Variants in STPG4 observed in about 807,000 individuals in gnomAD.
STPG4 encodes the protein sperm-tail PG-rich repeat containing 4.
A neutral mutation model predicts 31.5 loss-of-function variants in STPG4; 41 were observed. That is an observed-to-expected ratio of 1.30 (90% CI 1.01 to 1.69). The LOEUF (loss-of-function observed/expected upper bound fraction) is 1.69, where lower values mean the gene tolerates loss of function less well. Among genes scored for constraint, STPG4 ranks in the 40% most tolerant of loss-of-function variants. The probability of loss-of-function intolerance (pLI) is 0.00; values close to 1 mark genes in which losing one functional copy is unlikely to be tolerated. For missense variants in STPG4, 375 were observed against 293.4 expected (o/e 1.28, Z -2.03); for synonymous variants, 141 against 103.0 (o/e 1.37, Z -2.24).
chr2:47,143,124 C>A (rs1686750601), intron 3 of STPG4, among the ~76,000 whole-genome samples: 1 of 152,104 alleles, frequency 6.6e-6, no homozygotes, highest in Non-Finnish European at 1.5e-5. Context: ...CCGCACCCGG[C>A]CAACCTCAAC....
At chr2:47,106,999 G>A (rs1175676306) in intron 5 of STPG4, among the ~76,000 whole-genome samples, 1 of 151,950 alleles carries the variant, frequency 6.6e-6, no homozygotes, top group African/African-American at 2.4e-5. Flanking sequence ...CACTACAACT[G>A]CAGGGCCCCT....
At chr2:47,147,798 G>T (rs1206557827) in intron 3 of STPG4, among the ~76,000 whole-genome samples, 2 of 152,090 alleles carry the variant, frequency 1.3e-5, no homozygotes, top group Non-Finnish European at 2.9e-5. Context: ...TCCCGTTTGT[G>T]TACATATATT....
chr2:47,151,236 C>G (rs1165572134), intron 3 of STPG4, 22 bp downstream of exon 3: 1 of 1,612,262 alleles, frequency 6.2e-7, no homozygotes, highest in East Asian at 2.2e-5. Context: ...CCACACAAAG[C>G]AATCTGCCAG....
rs915869845 is a variant in STPG4, at chr2:47,129,827, C to T, written c.519+114G>A. Reference sequence around the variant, plus strand: ...AATTGTGTGGATAATGGTGTTCCTGCTAGGGGGAACGATCACTGGAGGGTT... The same window carrying T: ...AATTGTGTGGATAATGGTGTTCCTGTTAGGGGGAACGATCACTGGAGGGTT... On this transcript the variant is annotated intron_variant, in intron 5 of 6. Coordinates refer to ENST00000445927, the MANE Select transcript of STPG4 (RefSeq NM_001163561.2). 39 of 1,325,610 alleles carry T rather than the reference C, an allele frequency of 2.9e-5. No individual in the cohort carries two copies. The East Asian group carries it at 8.9e-4, about 30-fold the overall frequency. The allele number at this position is 1,325,610 out of a possible 1,614,324, so 82.1% of individuals were successfully genotyped here. A position where few individuals can be genotyped will look rare whatever the true frequency, so the allele number is the denominator to read the frequency against.
At chr2:47,110,180 T>A (rs1355606911) in intron 5 of STPG4, among the ~76,000 whole-genome samples, 1 of 152,250 alleles carries the variant, frequency 6.6e-6, no homozygotes, top group Non-Finnish European at 1.5e-5. Context: ...ATCATACGAA[T>A]GACTGAGTCC....
At chr2:47,135,221 T>C (rs556180736) in intron 3 of STPG4, among the ~76,000 whole-genome samples, 1 of 152,322 alleles carries the variant, frequency 6.6e-6, no homozygotes, top group Non-Finnish European at 1.5e-5. Flanking sequence ...AATTATTTCT[T>C]TCATGGATCA....
chr2:47,117,122 G>A (rs1320241829), intron 5 of STPG4, among the ~76,000 whole-genome samples: 1 of 152,164 alleles, frequency 6.6e-6, no homozygotes, highest in Non-Finnish European at 1.5e-5. Context: ...CTCTACCTAG[G>A]GTCGGGCACT....
At chr2:47,134,686 T>C (rs1339888477) in intron 3 of STPG4, among the ~76,000 whole-genome samples, 3 of 152,138 alleles carry the variant, frequency 2.0e-5, no homozygotes, top group East Asian at 3.8e-4. Context: ...GGCTTTTGGG[T>C]GGGTGTAAGC....
rs1186716207 is a variant in STPG4, at chr2:47,087,052, C to G, written c.703G>C (p.Glu235Gln). ...QSPTIAKMGQ[E>Q]HSLFFNNNNW... ...TTGTTGTTGAAGAAAAGGCTATGCT[C>G]TTGGCCCATTTTGGCTATGGTCGGA... Residue 235 changes from glutamate (E) to glutamine (Q), a missense_variant, in exon 7 of 7, where the codon GAG becomes CAG. Glu to Gln is a conservative substitution (Grantham distance 29). Transcript: ENST00000445927. 15 of 1,551,640 alleles carry G rather than the reference C, an allele frequency of 9.7e-6. No individual in the cohort carries two copies. Among genetic ancestry groups the G allele is most frequent in the Non-Finnish European group, 1.3e-5 (15 of 1,147,010 alleles).
At chr2:47,123,777 A>T (rs1686316855) in intron 5 of STPG4, among the ~76,000 whole-genome samples, 2 of 152,144 alleles carry the variant, frequency 1.3e-5, no homozygotes, top group Non-Finnish European at 2.9e-5. Context: ...ACTATAGCAA[A>T]AGGATTCATA....
chr2:47,090,528 G>C (rs764018884), intron 5 of STPG4, among the ~76,000 whole-genome samples, 154 bp from the exon 6 acceptor site: 21 of 152,154 alleles, frequency 1.4e-4, no homozygotes, highest in Non-Finnish European at 2.2e-4. Context: ...GTGTGAGCTG[G>C]GACAAGTCAT....
intron 5 of STPG4, among the ~76,000 whole-genome samples, chr2:47,094,150 G>C (rs1458609719): frequency 6.6e-6 from 1 of 152,278 alleles, no homozygotes; most frequent in Non-Finnish European, 1.5e-5. Context: ...GTGTGCAGAG[G>C]GAGGCCTCGG....
rs550048494 is a variant in STPG4 at position 47,101,623 on chromosome 2, C to T, written c.520-11249G>A. 7.8e-4 allele frequency among the ~76,000 whole-genome samples: 119 copies of T among 151,848 alleles called. 1 individual carries two copies. The highest frequency in any genetic ancestry group is 6.8e-3 in the Middle Eastern group (2 of 294). ...AGGACTCTGTTACCTTCTTTAGGCA[C>T]CCGGGTTCACCAATCAGAAAGACAT... On this transcript the variant is annotated intron_variant, in intron 5 of 6. Transcript: ENST00000445927.
chr2:47,095,804 A>G (rs1037863233), intron 5 of STPG4, among the ~76,000 whole-genome samples: 5 of 152,304 alleles, frequency 3.3e-5, no homozygotes, highest in African/African-American at 9.6e-5. Flanking sequence ...GTGTGGCTGC[A>G]GGACTAATCC....
chr2:47,100,872 G>C lies in STPG4; in HGVS notation c.520-10498C>G, dbSNP rs577632967. On this transcript the variant is annotated intron_variant, in intron 5 of 6. Coordinates refer to ENST00000445927, the MANE Select transcript of STPG4 (RefSeq NM_001163561.2). ...CTCCGAACACATCCGAACATCAGAAGGAACAAACTCCAGACGCGCCACCTT... is the reference window on the plus strand; with the variant it reads ...CTCCGAACACATCCGAACATCAGAACGAACAAACTCCAGACGCGCCACCTT... Among the ~76,000 whole-genome samples the C allele has an allele frequency of 1.6e-4, 24 of 151,530 alleles. No homozygotes were observed. In the East Asian group the frequency reaches 4.7e-3, roughly 29 times the overall value.
rs769074722 is a variant in STPG4 at position 47,155,290 on chromosome 2, G to C, written c.-39C>G. 3.1e-6 allele frequency: 5 copies of C among 1,607,482 alleles called. No individual in the cohort carries two copies. The East Asian group carries it at 8.9e-5, about 29-fold the overall frequency. On this transcript the variant is annotated 5_prime_UTR_variant, in exon 1 of 7. Coordinates refer to ENST00000445927, the MANE Select transcript of STPG4 (RefSeq NM_001163561.2). Reference sequence around the variant, plus strand: ...CTCTCTAGGCTGAACCTGAGCTCCGGTTGCTAGGAGGCGGGTGTGGCCCGT... The same window carrying C: ...CTCTCTAGGCTGAACCTGAGCTCCGCTTGCTAGGAGGCGGGTGTGGCCCGT...
intron 5 of STPG4, among the ~76,000 whole-genome samples, chr2:47,104,534 T>C (rs1685864599): frequency 6.6e-6 from 1 of 152,008 alleles, no homozygotes; most frequent in African/African-American, 2.4e-5. Flanking sequence ...TTCTTCTGTA[T>C]TCCCCTGCAT....
intron 6 of STPG4, 93 bp downstream of exon 6, chr2:47,090,177 A>G: frequency 1.2e-6 from 1 of 812,104 alleles, no homozygotes. Context: ...TCTCACCACC[A>G]CCCCGCACCT....
At chr2:47,095,794 G>C (rs991365160) in intron 5 of STPG4, among the ~76,000 whole-genome samples, 3 of 152,176 alleles carry the variant, frequency 2.0e-5, no homozygotes, top group African/African-American at 7.2e-5. Flanking sequence ...TGGCAGCTAG[G>C]TGTGGCTGCA....
Sources: allele counts gnomAD v4.1 joint callset (sites outside exome capture counted in the v4.1 genomes callset), GRCh38; gene constraint gnomAD v4.1.1; transcripts MANE v1.5; gene names NCBI Gene and HGNC (gene_info 2026-07-23, HGNC 2026-07-21).